Variants in ST6GALNAC3 observed in about 807,000 individuals in gnomAD.
The protein encoded by ST6GALNAC3 is ST6 N-acetylgalactosaminide alpha-2,6-sialyltransferase 3, also known as alpha-N-acetylgalactosaminide alpha-2,6-sialyltransferase 3.
A neutral mutation model predicts 32.7 loss-of-function variants in ST6GALNAC3; 25 were observed. The ratio of observed to expected loss-of-function variants is 0.76; its 90% CI spans 0.56 to 1.07. The LOEUF (loss-of-function observed/expected upper bound fraction) is 1.07. ST6GALNAC3 is among the 50% of genes least tolerant of loss of function. The pLI is 0.00. For synonymous variants in ST6GALNAC3, 129 were observed against 133.1 expected (o/e 0.97, Z 0.21); for missense variants, 355 against 382.4 (o/e 0.93, Z 0.60).
At chr1:76,105,547 C>T (rs897106213) in intron 1 of ST6GALNAC3, among the ~76,000 whole-genome samples, 2 of 152,168 alleles carry the variant, frequency 1.3e-5, no homozygotes, top group Admixed American at 6.5e-5. Context: ...GCCAAGGTCT[C>T]AACTCAGGGC....
intron 1 of ST6GALNAC3, among the ~76,000 whole-genome samples, chr1:76,286,856 G>A (rs1401888771): frequency 6.6e-6 from 1 of 152,202 alleles, no homozygotes; most frequent in Admixed American, 6.5e-5. Flanking sequence ...AAGTCACAGA[G>A]TTCCTTTTCA....
intron 2 of ST6GALNAC3, among the ~76,000 whole-genome samples, chr1:76,378,668 CAA>C (rs60471587): frequency 0.29 from 42,308 of 147,898 alleles, 7,159 homozygotes; most frequent in East Asian, 0.6. Flanking sequence ...TTCCCCCCCC[CAA>C]AAAAAAAAAT....
chr1:76,627,190 T>G (rs1649020507), intron 3 of ST6GALNAC3, among the ~76,000 whole-genome samples: 1 of 151,952 alleles, frequency 6.6e-6, no homozygotes, highest in African/African-American at 2.4e-5. Context: ...TGACTTCAGA[T>G]ATTTGCTATA....
chr1:76,278,227 T>A (rs1307760306), intron 1 of ST6GALNAC3, among the ~76,000 whole-genome samples: 1 of 109,526 alleles, frequency 9.1e-6, no homozygotes, highest in African/African-American at 6.6e-5. Flanking sequence ...GGCATTCTTT[T>A]TTTTTTTTTT....
intron 3 of ST6GALNAC3, among the ~76,000 whole-genome samples, chr1:76,439,421 G>A (rs929653471): frequency 2.0e-5 from 3 of 152,208 alleles, no homozygotes; most frequent in African/African-American, 7.2e-5. Flanking sequence ...AAAAGGTCCG[G>A]GGCTTTGAAA....
At chr1:76,372,561 A>C (rs993310885) in intron 2 of ST6GALNAC3, among the ~76,000 whole-genome samples, 1 of 152,116 alleles carries the variant, frequency 6.6e-6, no homozygotes, top group South Asian at 2.1e-4. Context: ...CCATATACCC[A>C]GAATTAAAAC....
chr1:76,171,563 G>T (rs1166774257), intron 1 of ST6GALNAC3, among the ~76,000 whole-genome samples: 4 of 150,098 alleles, frequency 2.7e-5, no homozygotes, highest in African/African-American at 9.8e-5. Context: ...AGGAAGAAGA[G>T]GGAGAAGAAT....
chr1:76,433,002 C>T (rs761553090), intron 3 of ST6GALNAC3, among the ~76,000 whole-genome samples: 5 of 152,106 alleles, frequency 3.3e-5, no homozygotes, highest in African/African-American at 7.2e-5. Context: ...TTTGCCACCC[C>T]GCCTGCTTCC....
At chr1:76,241,688 T>G (rs900561908) in intron 1 of ST6GALNAC3, among the ~76,000 whole-genome samples, 1 of 152,232 alleles carries the variant, frequency 6.6e-6, no homozygotes, top group Non-Finnish European at 1.5e-5. Flanking sequence ...AAATACAAAC[T>G]GTATTTCACA....
At position 76,634,056 on chromosome 1, in the gene ST6GALNAC3, GT is replaced by G; in HGVS notation, c.*5252del. The G allele has an allele frequency of 5.7e-6, 3 of 527,730 alleles. No individual in the cohort carries two copies. The highest frequency in any genetic ancestry group is 7.3e-6 in the Non-Finnish European group (3 of 413,162). 32.7% of individuals were successfully genotyped at this position (527,730 alleles called of 1,614,324 possible). A position where few individuals can be genotyped will look rare whatever the true frequency, so the allele number is the denominator to read the frequency against. ...TTAGTTTTTTTCTTTTTTTTTTTCA[GT>G]TAACTACTTGTTTGTTTCTTTTCAG... On this transcript the variant is annotated 3_prime_UTR_variant, in exon 5 of 5. Coordinates refer to ENST00000328299, the MANE Select transcript of ST6GALNAC3 (RefSeq NM_152996.4).
rs531454011 is a variant in ST6GALNAC3, at chr1:76,191,950, G to A, written c.18+117066G>A. On this transcript the variant is annotated intron_variant, in intron 1 of 4. Transcript: ENST00000328299. ...CATAAAGGGGCAGACCTGGTCATGG[G>A]ATTTCAGAAAAGTTCAGGGCCCCTT... is the stretch of plus-strand genomic sequence containing the variant. 2.2e-3 allele frequency among the ~76,000 whole-genome samples: 328 copies of A among 152,270 alleles called. 3 individuals carry two copies. In the Middle Eastern group the frequency reaches 0.027, roughly 13 times the overall value.
chr1:76,490,503 G>T (rs1192443251), intron 3 of ST6GALNAC3, among the ~76,000 whole-genome samples: 2 of 149,476 alleles, frequency 1.3e-5, no homozygotes, highest in East Asian at 1.9e-4. Context: ...TCAATATATT[G>T]TATAGATAGT....
At chr1:76,577,475 T>C (rs1287410414) in intron 3 of ST6GALNAC3, 1 of 210,412 alleles carries the variant, frequency 4.8e-6, no homozygotes, top group African/African-American at 2.4e-5. Context: ...ATTTCATAGA[T>C]ATAATACCAT....
At chr1:76,176,654 A>C (rs1245868808) in intron 1 of ST6GALNAC3, among the ~76,000 whole-genome samples, 1 of 152,214 alleles carries the variant, frequency 6.6e-6, no homozygotes, top group Non-Finnish European at 1.5e-5. Flanking sequence ...CATAATGTAC[A>C]AGCTGAGCTT....
chr1:76,568,224 G>T (rs1362769088), intron 3 of ST6GALNAC3, among the ~76,000 whole-genome samples: 1 of 152,088 alleles, frequency 6.6e-6, no homozygotes, highest in Non-Finnish European at 1.5e-5. Flanking sequence ...GAGGTCTAGT[G>T]GCTTGCCCAA....
intron 3 of ST6GALNAC3, among the ~76,000 whole-genome samples, chr1:76,420,213 T>C (rs919155338): frequency 1.3e-5 from 2 of 152,178 alleles, no homozygotes; most frequent in Admixed American, 6.6e-5. Context: ...GGCCCGGCCA[T>C]CCTGTTCATC....
intron 1 of ST6GALNAC3, among the ~76,000 whole-genome samples, chr1:76,162,032 A>G (rs1402518064): frequency 6.6e-6 from 1 of 152,174 alleles, no homozygotes; most frequent in Non-Finnish European, 1.5e-5. Context: ...GGGCCAGGCA[A>G]AAAAAGGTCT....
chr1:76,563,710 A>G (rs989124814), intron 3 of ST6GALNAC3, among the ~76,000 whole-genome samples: 3 of 152,216 alleles, frequency 2.0e-5, no homozygotes, highest in African/African-American at 7.2e-5. Flanking sequence ...TTAGCTATTC[A>G]ATATATGTTT....
chr1:76,420,722 G>A (rs536449542), intron 3 of ST6GALNAC3, among the ~76,000 whole-genome samples: 3 of 151,760 alleles, frequency 2.0e-5, no homozygotes, highest in African/African-American at 4.8e-5. Flanking sequence ...TCACACATAC[G>A]TGACTGCTTA....
Sources: allele counts gnomAD v4.1 joint callset (sites outside exome capture counted in the v4.1 genomes callset), GRCh38; gene constraint gnomAD v4.1.1; transcripts MANE v1.5; gene names NCBI Gene and HGNC (gene_info 2026-07-23, HGNC 2026-07-21).